The following STXBP6 variants were observed in gnomAD, a reference collection of about 807,000 sequenced individuals.
STXBP6 encodes syntaxin-binding protein 6.
Under a neutral mutation model 26.9 loss-of-function variants are expected in STXBP6, and 21 were observed. That is an observed-to-expected ratio of 0.78 (90% CI 0.55 to 1.12). STXBP6 has a LOEUF of 1.12. Ranked by LOEUF, STXBP6 falls within the 50% of genes most tolerant of loss-of-function variation. The pLI, the probability that STXBP6 is intolerant of heterozygous loss-of-function variation, is 0.00. For missense variants in STXBP6, 232 were observed against 257.9 expected (o/e 0.90, Z 0.69); for synonymous variants, 97 against 92.6 (o/e 1.05, Z -0.27).
intron 1 of STXBP6, among the ~76,000 whole-genome samples, chr14:25,024,035 C>T (rs1313838069): frequency 2.0e-5 from 3 of 152,076 alleles, no homozygotes; most frequent in Non-Finnish European, 2.9e-5. Context: ...CTTGGCCGGG[C>T]GTGGTGGCTC....
chr14:24,996,687 A>G (rs1025985904), intron 1 of STXBP6, among the ~76,000 whole-genome samples: 9 of 151,948 alleles, frequency 5.9e-5, no homozygotes, highest in African/African-American at 1.9e-4. Context: ...CCCCGTCTCT[A>G]CTAAAAAAAA....
chr14:25,029,517 G>A (rs1014319844), intron 1 of STXBP6, among the ~76,000 whole-genome samples: 32 of 152,026 alleles, frequency 2.1e-4, no homozygotes, highest in South Asian at 4.2e-4. Context: ...TAAGCACCAA[G>A]AAACAAAAAA....
chr14:25,046,966 G>T (rs1421900074), intron 1 of STXBP6, among the ~76,000 whole-genome samples: 2 of 152,196 alleles, frequency 1.3e-5, no homozygotes, highest in East Asian at 3.9e-4. Context: ...AAAGGGCTTT[G>T]CCAGGTCTAA....
intron 4 of STXBP6, among the ~76,000 whole-genome samples, chr14:24,822,709 T>C (rs1402852488): frequency 6.6e-6 from 1 of 152,104 alleles, no homozygotes; most frequent in Non-Finnish European, 1.5e-5. Flanking sequence ...TTCTATGTAA[T>C]TTTGAAAAAA....
intron 2 of STXBP6, among the ~76,000 whole-genome samples, chr14:24,969,102 G>C (rs1050387620): frequency 6.6e-6 from 1 of 152,084 alleles, no homozygotes; most frequent in African/African-American, 2.4e-5. Context: ...CCTTCCATGG[G>C]TATCTATTTA....
At chr14:24,911,161 C>A (rs2071558117) in intron 2 of STXBP6, among the ~76,000 whole-genome samples, 1 of 151,652 alleles carries the variant, frequency 6.6e-6, no homozygotes, top group South Asian at 2.1e-4. Context: ...TTTGTCTCTA[C>A]AAAAACAAAC....
chr14:24,927,010 T>G lies in STXBP6; in HGVS notation c.154+47655A>C, dbSNP rs180745529. Among the ~76,000 whole-genome samples, 709 of 152,252 alleles carry G rather than the reference T, an allele frequency of 4.7e-3. 2 individuals carry two copies. Among genetic ancestry groups the G allele is most frequent in the Non-Finnish European group, 7.3e-3 (495 of 68,018 alleles). ...CTAATTTAAAACAATGGGGTGAAATTAAAACATTTTAGTGGACGCAAACAA... is the reference window on the plus strand; with the variant it reads ...CTAATTTAAAACAATGGGGTGAAATGAAAACATTTTAGTGGACGCAAACAA... On this transcript the variant is annotated intron_variant, in intron 2 of 5. Coordinates refer to ENST00000323944, the MANE Select transcript of STXBP6 (RefSeq NM_001394410.1).
chr14:24,857,218 C>T (rs994779949), intron 2 of STXBP6, 61 bp from the exon 3 acceptor site: 33 of 1,606,108 alleles, frequency 2.1e-5, no homozygotes, highest in Non-Finnish European at 2.6e-5. Context: ...TTTCCACATT[C>T]AGTGCTGTTT....
rs979897195 is a variant in STXBP6 at position 24,926,694 on chromosome 14, T to G, written c.154+47971A>C. 7.2e-5 allele frequency among the ~76,000 whole-genome samples: 11 copies of G among 152,256 alleles called. No homozygotes were observed. In the East Asian group the frequency reaches 1.6e-3, roughly 21 times the overall value. ...ATTTGTAGATTGGCGAGTGTAGCAT[T>G]ACGGTTAAGAGCAGCCTCTGAATCA... On this transcript the variant is annotated intron_variant, in intron 2 of 5. Coordinates refer to ENST00000323944, the MANE Select transcript of STXBP6 (RefSeq NM_001394410.1).
chr14:25,012,200 T>C (rs957456187), intron 1 of STXBP6, among the ~76,000 whole-genome samples: 1 of 152,214 alleles, frequency 6.6e-6, no homozygotes, highest in Non-Finnish European at 1.5e-5. Context: ...ATTATATGTA[T>C]GTAGCATGAA....
intron 1 of STXBP6, among the ~76,000 whole-genome samples, chr14:25,021,543 A>C (rs1350192773): frequency 6.6e-6 from 1 of 151,658 alleles, no homozygotes; most frequent in African/African-American, 2.4e-5. Flanking sequence ...TGGCCCCATC[A>C]CTCACTATAA....
chr14:24,885,194 T>G (rs892466166), intron 2 of STXBP6, among the ~76,000 whole-genome samples: 8 of 152,192 alleles, frequency 5.3e-5, no homozygotes, highest in African/African-American at 1.7e-4. Context: ...TATTCTTTAC[T>G]TAAATTCAAA....
chr14:24,924,838 A>T (rs1180797773), intron 2 of STXBP6, among the ~76,000 whole-genome samples: 2 of 152,202 alleles, frequency 1.3e-5, no homozygotes, highest in Non-Finnish European at 2.9e-5. Context: ...CACTTACAGG[A>T]AAGGACAATT....
At chr14:24,886,993 C>A (rs932524346) in intron 2 of STXBP6, among the ~76,000 whole-genome samples, 3 of 152,174 alleles carry the variant, frequency 2.0e-5, no homozygotes, top group Non-Finnish European at 2.9e-5. Flanking sequence ...AAACAATAAA[C>A]ATGCAACTAC....
At chr14:25,038,970 T>C (rs1026754181) in intron 1 of STXBP6, among the ~76,000 whole-genome samples, 3 of 152,176 alleles carry the variant, frequency 2.0e-5, no homozygotes, top group African/African-American at 7.2e-5. Context: ...ATAGTTGACA[T>C]AGTGTATTCT....
chr14:24,960,200 G>C (rs1395937219), intron 2 of STXBP6, among the ~76,000 whole-genome samples: 1 of 152,192 alleles, frequency 6.6e-6, no homozygotes, highest in Non-Finnish European at 1.5e-5. Flanking sequence ...TGGGGGCTGA[G>C]ACTGAGTCCA....
intron 2 of STXBP6, among the ~76,000 whole-genome samples, chr14:24,929,760 C>T (rs376735108): frequency 3.3e-5 from 5 of 152,192 alleles, no homozygotes; most frequent in African/African-American, 7.2e-5. Context: ...ACCTCTCCTT[C>T]GCCCTGGGCA....
intron 1 of STXBP6, among the ~76,000 whole-genome samples, chr14:25,047,438 A>G (rs1293422442): frequency 1.3e-5 from 2 of 152,214 alleles, no homozygotes; most frequent in Non-Finnish European, 2.9e-5. Context: ...TCTGTATATG[A>G]GCTAGTAAAA....
intron 2 of STXBP6, among the ~76,000 whole-genome samples, chr14:24,906,303 A>G (rs2071384744): frequency 6.6e-6 from 1 of 152,184 alleles, no homozygotes; most frequent in South Asian, 2.1e-4. Context: ...ATGATATTCT[A>G]CAATGCAAAA....
Sources: allele counts gnomAD v4.1 joint callset (sites outside exome capture counted in the v4.1 genomes callset), GRCh38; gene constraint gnomAD v4.1.1; transcripts MANE v1.5; gene names NCBI Gene and HGNC (gene_info 2026-07-23, HGNC 2026-07-21).